The following ZNF479 variants were observed in gnomAD, a reference collection of about 807,000 sequenced individuals.
The protein encoded by ZNF479 is KRAB zinc finger protein KR19.
ZNF479 carries 15 observed loss-of-function variants against 14.7 expected under a neutral mutation model. That is an observed-to-expected ratio of 1.02 (90% CI 0.68 to 1.57). ZNF479 has a LOEUF of 1.57. Ranked by LOEUF, ZNF479 falls within the 40% of genes most tolerant of loss-of-function variation. The pLI is 0.00. For missense variants in ZNF479, 506 were observed against 615.1 expected, an observed-to-expected ratio of 0.82 and a Z score of 1.88; for synonymous variants, 145 against 211.5, an observed-to-expected ratio of 0.69 and a Z score of 2.73.
Position 57,120,533 on chromosome 7 carries a change from C to T in ZNF479, c.882G>A (p.Glu294=), listed in dbSNP as rs782269910. Residue 294 remains glutamate, a synonymous_variant, in exon 4 of 4, where the codon GAG becomes GAA. Transcript: ENST00000319636. ...LTNHKRIHTG[E]RPYKCEECGK... ...CACATTCTTCACATTTGTAGGGTCT[C>T]TCTCCAGTATGAATTCTCTTGTGGT... 1.9e-6 allele frequency: 3 copies of T among 1,613,758 alleles called. No homozygotes were observed. The highest frequency in any genetic ancestry group is 2.5e-6 in the Non-Finnish European group (3 of 1,179,952).
chr7:57,127,130 C>T (rs1164524287), intron 1 of ZNF479, among the ~76,000 whole-genome samples: 1 of 149,758 alleles, frequency 6.7e-6, no homozygotes, highest in African/African-American at 2.5e-5. Flanking sequence ...TCAATCGATT[C>T]TCCTGCCTCA....
upstream of ZNF479, among the ~76,000 whole-genome samples, chr7:57,137,286 C>T (rs1183837043): frequency 1.3e-5 from 2 of 152,050 alleles, no homozygotes; most frequent in African/African-American, 4.8e-5. Context: ...CAGGCATCCA[C>T]CACTACACCT....
upstream of ZNF479, among the ~76,000 whole-genome samples, chr7:57,132,726 T>G (rs1786491721): frequency 6.6e-6 from 1 of 152,236 alleles, no homozygotes; most frequent in Non-Finnish European, 1.5e-5. Context: ...ATAATATTTA[T>G]TCATAAATTG....
rs868915443 is a variant in ZNF479 at position 57,118,492 on chromosome 7, C to G, written c.*1348G>C. Among the ~76,000 whole-genome samples, 1 of 152,110 alleles carries G rather than the reference C, an allele frequency of 6.6e-6. No individual in the cohort carries two copies. The highest frequency in any genetic ancestry group is 1.5e-5 in the Non-Finnish European group (1 of 68,024). ...GTTCAAGCAATTCTCCTACCTCTGC[C>G]TGCCAAGTAGCTGGGATTACAAGTG... On this transcript the variant is annotated 3_prime_UTR_variant, in exon 4 of 4. Coordinates refer to ENST00000319636, the MANE Select transcript of ZNF479 (RefSeq NM_001370129.2).
chr7:57,130,234 G>A (rs1236015823), intron 1 of ZNF479, among the ~76,000 whole-genome samples: 2 of 152,136 alleles, frequency 1.3e-5, no homozygotes, highest in Non-Finnish European at 2.9e-5. Context: ...CAGCACTTTG[G>A]GAGGCCAGGG....
At chr7:57,127,640 A>G in intron 1 of ZNF479, 3 of 645,808 alleles carry the variant, frequency 4.6e-6, no homozygotes, top group Non-Finnish European at 5.8e-6. Flanking sequence ...AGACAAATAT[A>G]AGCAAAAGTC....
chr7:57,134,665 CTTTTTTT>C (rs71053216), upstream of ZNF479, among the ~76,000 whole-genome samples: 24 of 106,482 alleles, frequency 2.3e-4, no homozygotes, highest in African/African-American at 7.0e-4. Context: ...TTTCTTCTAT[CTTTTTTT>C]TTTTTTTTTT....
rs1209348423 is a variant in ZNF479 at position 57,118,474 on chromosome 7, C to A, written c.*1366G>T. On this transcript the variant is annotated 3_prime_UTR_variant, in exon 4 of 4. Transcript: ENST00000319636. ...GCAACCTCTGCCTCCCCGGTTCAAG[C>A]AATTCTCCTACCTCTGCCTGCCAAG... 6.6e-6 allele frequency among the ~76,000 whole-genome samples: 1 copy of A among 152,140 alleles called. No individual in the cohort carries two copies. The highest frequency in any genetic ancestry group is 1.5e-5 in the Non-Finnish European group (1 of 68,030).
In ZNF479 at chr7:57,121,057, G is replaced by A. The variant is rs782491853; in HGVS notation, c.358C>T (p.His120Tyr). The change falls in exon 4 of 4, where the codon CAT becomes TAT. Residue 120 changes from histidine to tyrosine, a missense_variant. Coordinates refer to ENST00000319636, the MANE Select transcript of ZNF479 (RefSeq NM_001370129.2). ...VIPRTYGKCG[H>Y]EKLQFKKCCK... is the part of the protein sequence containing the mutation. ...CATTTTTTAAATTGTAATTTCTCAT[G>A]TCCACATTTTCCATATGTTCTTGGT... 2.5e-6 allele frequency: 4 copies of A among 1,613,598 alleles called. No individual in the cohort carries two copies. The African/African-American group carries it at 5.3e-5, about 22-fold the overall frequency.
upstream of ZNF479, among the ~76,000 whole-genome samples, chr7:57,137,084 C>T (rs1335243062): frequency 3.3e-5 from 5 of 152,106 alleles, no homozygotes; most frequent in Non-Finnish European, 2.9e-5. Context: ...GAAATATTGG[C>T]ACTTTACATG....
rs782059052 is a variant in ZNF479, at chr7:57,120,661, A to G, written c.754T>C (p.Trp252Arg). The change falls in exon 4 of 4, where the codon TGG becomes CGG. Residue 252 changes from tryptophan to arginine, a missense_variant. By Grantham distance (101) the Trp-to-Arg change is moderately radical. Coordinates refer to ENST00000319636, the MANE Select transcript of ZNF479 (RefSeq NM_001370129.2). ...TTATGTCTAGTAAGGTTTGCAGACC[A>G]GCTAAAGGCTTTGCCACATTCCTCA... ...RCEECGKAFSWSANLTRHKRT... is the reference protein window; with the variant it reads ...RCEECGKAFSRSANLTRHKRT... 8.7e-5 allele frequency: 140 copies of G among 1,613,736 alleles called. No individual in the cohort carries two copies. The highest frequency in any genetic ancestry group is 1.2e-4 in the Non-Finnish European group (137 of 1,179,874).
chr7:57,129,163 T>C (rs1191658591), intron 1 of ZNF479, among the ~76,000 whole-genome samples: 1 of 152,190 alleles, frequency 6.6e-6, no homozygotes, highest in Non-Finnish European at 1.5e-5. Context: ...TTTACAGTAA[T>C]GGGAGCATGA....
At chr7:57,131,267 T>TA (rs534822896) in intron 1 of ZNF479, among the ~76,000 whole-genome samples, 28 of 146,176 alleles carry the variant, frequency 1.9e-4, no homozygotes, top group East Asian at 6.0e-4. Flanking sequence ...AAATAAAAGG[T>TA]AAAAAAAAAA....
chr7:57,124,219 A>G (rs1193152072), intron 3 of ZNF479, among the ~76,000 whole-genome samples: 10 of 152,166 alleles, frequency 6.6e-5, no homozygotes, highest in Non-Finnish European at 1.5e-5. Flanking sequence ...ATTTCAAAAC[A>G]TAATAAAAAG....
chr7:57,139,587 A>T (rs1026989780), intron 1 of ZNF479: 2 of 152,174 alleles, frequency 1.3e-5, no homozygotes, highest in East Asian at 3.9e-4. Flanking sequence ...CCCAGTGTAC[A>T]GTTGAGATTG....
chr7:57,135,858 T>C (rs1786622689), upstream of ZNF479, among the ~76,000 whole-genome samples: 1 of 152,058 alleles, frequency 6.6e-6, no homozygotes, highest in Non-Finnish European at 1.5e-5. Flanking sequence ...AAAAGATTCT[T>C]TCACAACCAA....
chr7:57,128,358 G>A (rs1264112264), intron 1 of ZNF479, among the ~76,000 whole-genome samples: 2 of 152,160 alleles, frequency 1.3e-5, no homozygotes, highest in Non-Finnish European at 2.9e-5. Context: ...TGGAAAGCAA[G>A]TATCTCCTAA....
intron 3 of ZNF479, among the ~76,000 whole-genome samples, chr7:57,122,087 G>T (rs564446070): frequency 6.6e-6 from 1 of 151,890 alleles, no homozygotes; most frequent in Non-Finnish European, 1.5e-5. Flanking sequence ...AAAAAGATCC[G>T]CAACACAAAT....
chr7:57,136,813 T>C (rs902029476), upstream of ZNF479, among the ~76,000 whole-genome samples: 5 of 152,246 alleles, frequency 3.3e-5, no homozygotes, highest in African/African-American at 1.2e-4. Context: ...ACCAACCATC[T>C]TGGATTTTCC....
Sources: allele counts gnomAD v4.1 joint callset (sites outside exome capture counted in the v4.1 genomes callset), GRCh38; gene constraint gnomAD v4.1.1; transcripts MANE v1.5; gene names NCBI Gene and HGNC (gene_info 2026-07-23, HGNC 2026-07-21).